Variants in PRRC2B observed in about 807,000 individuals in gnomAD.
PRRC2B encodes proline rich coiled-coil 2B.
PRRC2B carries 68 observed loss-of-function variants against 242.3 expected under a neutral mutation model. That is an observed-to-expected ratio of 0.28 (90% CI 0.23 to 0.34). PRRC2B has a LOEUF of 0.34. Ranked by LOEUF, PRRC2B falls within the 10% of genes least tolerant of loss-of-function variation. The pLI is 1.00. For synonymous variants in PRRC2B, 1,228 were observed against 1,173.6 expected (o/e 1.05, Z -0.95); for missense variants, 2,835 against 2,954.8 (o/e 0.96, Z 0.94).
At chr9:131,440,902 C>T (rs1440495103) in intron 5 of PRRC2B, among the ~76,000 whole-genome samples, 1 of 152,044 alleles carries the variant, frequency 6.6e-6, no homozygotes, top group South Asian at 2.1e-4. Flanking sequence ...TAGTTCGAGA[C>T]CAGCCTGGGC....
At position 131,440,875 on chromosome 9, in the gene PRRC2B, G is replaced by A. The variant is rs549413192; in HGVS notation, c.469+1814G>A. 2.6e-5 allele frequency among the ~76,000 whole-genome samples: 4 copies of A among 152,304 alleles called. No homozygotes were observed. The East Asian group carries it at 7.7e-4, about 29-fold the overall frequency. ...AGGACTTTGGGAGGCTGAGGCAGAA[G>A]GATTGCTTGAGTCCGGTAGTTCGAG... On this transcript the variant is annotated intron_variant, in intron 5 of 31. Transcript: ENST00000683519.
At chr9:131,466,669 G>T (rs1355234796) in intron 12 of PRRC2B, among the ~76,000 whole-genome samples, 2 of 151,724 alleles carry the variant, frequency 1.3e-5, no homozygotes, top group South Asian at 4.2e-4. Context: ...CTGTCACCTA[G>T]GCTGGAGTGC....
At position 131,478,576 on chromosome 9, in the gene PRRC2B, G is replaced by C. The variant is rs367574702; in HGVS notation, c.4715G>C (p.Arg1572Pro). The change falls in exon 18 of 32, where the codon CGC becomes CCC. Residue 1572 changes from arginine to proline, a missense_variant. Coordinates refer to ENST00000683519, the MANE Select transcript of PRRC2B (RefSeq NM_013318.4). The stretch of plus-strand genomic sequence containing the variant: ...GAAGTCCTGACCAAGAAGCAGCGCC[G>C]CCTGCTGGAGGAAGAGAGAAGAAAG... ...FIEVLTKKQR[R>P]LLEEERRKKE... The C allele has an allele frequency of 2.0e-6, 3 of 1,512,040 alleles. No individual in the cohort carries two copies. Among genetic ancestry groups the C allele is most frequent in the Non-Finnish European group, 2.7e-6 (3 of 1,117,708 alleles). 93.7% of individuals were successfully genotyped at this position (1,512,040 alleles called of 1,614,324 possible). A position where few individuals can be genotyped will look rare whatever the true frequency, so the allele number is the denominator to read the frequency against.
chr9:131,491,910 G>A (rs1944206532), intron 29 of PRRC2B, among the ~76,000 whole-genome samples: 1 of 152,102 alleles, frequency 6.6e-6, no homozygotes, highest in African/African-American at 2.4e-5. Context: ...GCCCTCTTGA[G>A]TCTGGCTTAG....
intron 1 of PRRC2B, among the ~76,000 whole-genome samples, chr9:131,398,447 A>G (rs774138381): frequency 1.3e-5 from 2 of 152,230 alleles, no homozygotes; most frequent in Non-Finnish European, 2.9e-5. Context: ...AACAAAGCCT[A>G]TCTCAAGTTG....
Position 131,495,801 on chromosome 9 carries a change from C to G in PRRC2B, c.6617C>G (p.Ser2206Trp), listed in dbSNP as rs764201479. The G allele has an allele frequency of 8.1e-6, 13 of 1,612,980 alleles. No individual in the cohort carries two copies. The highest frequency in any genetic ancestry group is 1.0e-5 in the Non-Finnish European group (12 of 1,179,060). ...GCCGTGAAGCTGCAGGAGGCCCCCT[C>G]GGCTGCCTCCCAGATGAAGCGAACC... ...LGAVKLQEAP[S>W]AASQMKRTGA... The change falls in exon 32 of 32, where the codon TCG becomes TGG. Residue 2206 changes from serine (S) to tryptophan (W), a missense_variant. Ser to Trp is a radical substitution (Grantham distance 177). Around this residue, in one of 7 missense-constraint regions of PRRC2B, gnomAD observed 574 missense variants for 626.0 expected, o/e 0.92. Coordinates refer to ENST00000683519, the MANE Select transcript of PRRC2B (RefSeq NM_013318.4).
chr9:131,497,182 C>T lies in PRRC2B; in HGVS notation c.*1308C>T, dbSNP rs1390931624. On this transcript the variant is annotated 3_prime_UTR_variant, in exon 32 of 32. Coordinates refer to ENST00000683519, the MANE Select transcript of PRRC2B (RefSeq NM_013318.4). ...TGAGCTAAGCAGTAGGCATCAGTCT[C>T]GTTTGTCTTCAGACGGCGGGGGCAG... 6.6e-5 allele frequency: 10 copies of T among 152,520 alleles called. No individual in the cohort carries two copies. The South Asian group carries it at 1.4e-3, about 22-fold the overall frequency. 9.4% of individuals were successfully genotyped at this position (152,520 alleles called of 1,614,324 possible). A position where few individuals can be genotyped will look rare whatever the true frequency, so the allele number is the denominator to read the frequency against.
At chr9:131,375,431 A>G (rs904391280) in intron 1 of PRRC2B, among the ~76,000 whole-genome samples, 9 of 152,092 alleles carry the variant, frequency 5.9e-5, no homozygotes, top group African/African-American at 2.2e-4. Flanking sequence ...AAATAAGGGC[A>G]TTAACAGTAG....
At chr9:131,436,747 C>T (rs1228687797) in intron 4 of PRRC2B, 25 bp downstream of exon 4, 1 of 1,576,350 alleles carries the variant, frequency 6.3e-7, no homozygotes, top group East Asian at 2.2e-5. Flanking sequence ...CCCATCCCAA[C>T]TGTTTCCTGG....
intron 25 of PRRC2B, 52 bp downstream of exon 25, chr9:131,485,192 GA>G (rs1314910578): frequency 7.8e-6 from 11 of 1,417,762 alleles, no homozygotes; most frequent in Non-Finnish European, 1.0e-5. Context: ...TTATTATCAA[GA>G]AAAACGGATT....
At chr9:131,467,187 A>C (rs1369268761) in intron 12 of PRRC2B, among the ~76,000 whole-genome samples, 1 of 151,544 alleles carries the variant, frequency 6.6e-6, no homozygotes, top group African/African-American at 2.4e-5. Context: ...CACCCGCCTC[A>C]GCCTCCCAAA....
At chr9:131,400,897 T>G (rs1837209840) in intron 1 of PRRC2B, among the ~76,000 whole-genome samples, 1 of 151,968 alleles carries the variant, frequency 6.6e-6, no homozygotes, top group Non-Finnish European at 1.5e-5. Context: ...CCTGGTCTGG[T>G]GGGGAGGAGG....
chr9:131,419,881 G>A (rs1045579654), intron 1 of PRRC2B, among the ~76,000 whole-genome samples: 5 of 151,928 alleles, frequency 3.3e-5, no homozygotes, highest in African/African-American at 1.2e-4. Flanking sequence ...CTGGCGCGGT[G>A]GGGGGTGATG....
At chr9:131,416,285 C>T (rs1420221095) in intron 1 of PRRC2B, among the ~76,000 whole-genome samples, 2 of 151,938 alleles carry the variant, frequency 1.3e-5, no homozygotes, top group Non-Finnish European at 2.9e-5. Context: ...ATTTTTGTAT[C>T]TTTAGTAGGG....
chr9:131,463,630 T>TTG (rs774565544), intron 11 of PRRC2B, among the ~76,000 whole-genome samples: 1 of 116,220 alleles, frequency 8.6e-6, no homozygotes, highest in African/African-American at 3.1e-5. Context: ...TAGGCATGCT[T>TTG]TTTTTTTTTT....
At position 131,498,409 on chromosome 9, in the gene PRRC2B, C is replaced by T. The variant is rs752737898; in HGVS notation, c.*2535C>T. The stretch of plus-strand genomic sequence containing the variant: ...TGTGTGACCTGAGCTGCAGTCTCTT[C>T]GCTGAGATGCAGGTTTTAAATGAGA... On this transcript the variant is annotated 3_prime_UTR_variant, in exon 32 of 32. Coordinates refer to ENST00000683519, the MANE Select transcript of PRRC2B (RefSeq NM_013318.4). 6.6e-6 allele frequency: 1 copy of T among 152,232 alleles called. No individual in the cohort carries two copies. The highest frequency in any genetic ancestry group is 6.5e-5 in the Admixed American group (1 of 15,290). 9.4% of individuals were successfully genotyped at this position (152,232 alleles called of 1,614,324 possible). A position where few individuals can be genotyped will look rare whatever the true frequency, so the allele number is the denominator to read the frequency against.
chr9:131,405,199 C>G (rs1837331097), intron 1 of PRRC2B, among the ~76,000 whole-genome samples: 1 of 152,126 alleles, frequency 6.6e-6, no homozygotes. Context: ...GTTCACAGTG[C>G]AGAAGCGGCC....
At position 131,473,572 on chromosome 9, in the gene PRRC2B, G is replaced by GAAC. The variant is rs759793715; in HGVS notation, c.2173_2175dup (p.Asn725dup). 9.9e-6 allele frequency: 16 copies of GAAC among 1,611,058 alleles called. No homozygotes were observed. The highest frequency in any genetic ancestry group is 1.4e-5 in the Non-Finnish European group (16 of 1,178,762). ...GGACAGGCTGTCGCTCTGAGGATCA[G>GAAC]AACTGTGTGCCCCCACTCCAAGAAA... On this transcript the variant is annotated inframe_insertion, in exon 15 of 32. Coordinates refer to ENST00000683519, the MANE Select transcript of PRRC2B (RefSeq NM_013318.4).
intron 5 of PRRC2B, 50 bp from the exon 6 acceptor site, chr9:131,444,135 A>C (rs534083892): frequency 6.2e-7 from 1 of 1,605,556 alleles, no homozygotes; most frequent in East Asian, 2.2e-5. Flanking sequence ...GAAGCAGACG[A>C]CTGTTGACTC....
Sources: allele counts gnomAD v4.1 joint callset (sites outside exome capture counted in the v4.1 genomes callset), GRCh38; gene constraint gnomAD v4.1.1; regional missense constraint gnomAD v4.1.1; transcripts MANE v1.5; gene names NCBI Gene and HGNC (gene_info 2026-07-23, HGNC 2026-07-21).